Variants in TRAPPC9 observed in about 807,000 individuals in gnomAD.
TRAPPC9 encodes the protein IKK2 binding protein.
TRAPPC9 carries 83 observed loss-of-function variants against 124.0 expected under a neutral mutation model. That is an observed-to-expected ratio of 0.67 (90% confidence interval 0.56 to 0.80). The LOEUF (loss-of-function observed/expected upper bound fraction) is 0.80, where lower values mean the gene tolerates loss of function less well. Ranked by LOEUF, TRAPPC9 falls within the 30% of genes least tolerant of loss-of-function variation. TRAPPC9 has a pLI of 0.00. For synonymous variants in TRAPPC9, 638 were observed against 617.5 expected, an observed-to-expected ratio of 1.03 and a Z score of -0.49; for missense variants, 1,302 against 1,508.3, an observed-to-expected ratio of 0.86 and a Z score of 2.27.
intron 3 of TRAPPC9, 96 bp downstream of exon 3, chr8:140,438,956 C>G: frequency 2.6e-6 from 4 of 1,523,692 alleles, no homozygotes; most frequent in Non-Finnish European, 1.8e-6. Context: ...TCCCAAAGTG[C>G]TGGGATTACA....
At chr8:140,188,459 G>A (rs189963226) in intron 17 of TRAPPC9, among the ~76,000 whole-genome samples, 1 of 152,284 alleles carries the variant, frequency 6.6e-6, no homozygotes, top group East Asian at 1.9e-4. Flanking sequence ...CAGCTGTTGG[G>A]AAGTTGGAAC....
chr8:140,448,120 T>C (rs1588376035), intron 2 of TRAPPC9, among the ~76,000 whole-genome samples: 1 of 132,858 alleles, frequency 7.5e-6, no homozygotes, highest in Admixed American at 9.0e-5. Flanking sequence ...CACTCCAGCC[T>C]GGGTGACAGA....
chr8:140,220,463 G>A (rs375044087), intron 17 of TRAPPC9, among the ~76,000 whole-genome samples: 1 of 152,266 alleles, frequency 6.6e-6, no homozygotes, highest in Admixed American at 6.5e-5. Context: ...TCCAGGAATG[G>A]GGCACTCCCC....
chr8:140,404,814 G>A (rs2069422176), intron 6 of TRAPPC9, among the ~76,000 whole-genome samples: 1 of 151,598 alleles, frequency 6.6e-6, no homozygotes. Context: ...GAACATGTGT[G>A]TATGTGCATG....
chr8:139,807,937 C>T (rs565231157), intron 21 of TRAPPC9, among the ~76,000 whole-genome samples: 1 of 152,232 alleles, frequency 6.6e-6, no homozygotes, highest in East Asian at 1.9e-4. Context: ...GAGAACTTCT[C>T]CACAGACAGG....
At chr8:140,433,218 G>A (rs547535641) in intron 4 of TRAPPC9, among the ~76,000 whole-genome samples, 2 of 151,684 alleles carry the variant, frequency 1.3e-5, no homozygotes, top group South Asian at 2.1e-4. Flanking sequence ...CTTGAGCCCG[G>A]GAGGCAGAGG....
chr8:140,338,000 G>A (rs1437304724), intron 9 of TRAPPC9, among the ~76,000 whole-genome samples: 1 of 152,138 alleles, frequency 6.6e-6, no homozygotes, highest in African/African-American at 2.4e-5. Flanking sequence ...AATCCTGAAC[G>A]TTCTAAAGAG....
chr8:139,788,505 C>T lies in TRAPPC9; in HGVS notation c.3056-56303G>A, dbSNP rs1456578678. On this transcript the variant is annotated intron_variant, in intron 21 of 22. Transcript: ENST00000438773. This position sits in a 1 kb window ranked among gnomAD's most constrained non-coding sequence, Gnocchi z 4.9. The stretch of plus-strand genomic sequence containing the variant: ...GCCAGCACCCTCCAGGCACAGCCAG[C>T]CATCGGGCGGCCCATGGTCCTGGGG... 6.6e-6 allele frequency among the ~76,000 whole-genome samples: 1 copy of T among 152,216 alleles called. No individual in the cohort carries two copies. The highest frequency in any genetic ancestry group is 1.5e-5 in the Non-Finnish European group (1 of 68,040).
intron 16 of TRAPPC9, among the ~76,000 whole-genome samples, chr8:140,230,785 A>AG (rs1491565005): frequency 1.2e-5 from 1 of 82,592 alleles, no homozygotes; most frequent in African/African-American, 3.8e-5. Context: ...TCAAAAAAAA[A>AG]GAAAAAAAAA....
intron 17 of TRAPPC9, among the ~76,000 whole-genome samples, chr8:140,212,453 A>T (rs1039298746): frequency 2.0e-5 from 3 of 152,210 alleles, no homozygotes; most frequent in East Asian, 1.9e-4. Context: ...CAGTCCGTCA[A>T]TATTTTACAT....
At chr8:139,899,860 G>A (rs1365012792) in intron 20 of TRAPPC9, among the ~76,000 whole-genome samples, 1 of 152,138 alleles carries the variant, frequency 6.6e-6, no homozygotes, top group Non-Finnish European at 1.5e-5. Context: ...CAGGAGGCTG[G>A]GAGAGAAAGC....
intron 17 of TRAPPC9, among the ~76,000 whole-genome samples, chr8:140,027,692 T>C (rs1034334790): frequency 6.6e-6 from 1 of 152,150 alleles, no homozygotes; most frequent in African/African-American, 2.4e-5. Flanking sequence ...TGCCCGAGAC[T>C]GGGTAATTTA....
intron 17 of TRAPPC9, among the ~76,000 whole-genome samples, chr8:140,161,964 T>A (rs2061759101): frequency 6.6e-6 from 1 of 152,040 alleles, no homozygotes; most frequent in Non-Finnish European, 1.5e-5. Context: ...AGCCCGAGTG[T>A]CCGGCAGAGA....
intron 21 of TRAPPC9, among the ~76,000 whole-genome samples, chr8:139,857,337 G>C (rs1178197101): frequency 6.6e-6 from 1 of 152,204 alleles, no homozygotes; most frequent in African/African-American, 2.4e-5. Flanking sequence ...TCCCATGGAG[G>C]CAAGGCGAGG....
rs1449366706 is a variant in TRAPPC9, at chr8:139,984,472, G to A, written c.2810+4254C>T. On this transcript the variant is annotated intron_variant, in intron 19 of 22. Transcript: ENST00000438773. The surrounding 1 kb of genome is among the most constrained non-coding windows in gnomAD (Gnocchi z 4.3). ...GGGGGTGGGGGGCCGGGGGGTGGTG[G>A]CAGGGGTGCCTCCTCGTAGGGGAAC... Among the ~76,000 whole-genome samples the A allele has an allele frequency of 6.8e-6, 1 of 147,120 alleles. No homozygotes were observed. Among genetic ancestry groups the A allele is most frequent in the Non-Finnish European group, 1.5e-5 (1 of 66,222 alleles).
At chr8:140,018,416 C>G (rs1237954312) in intron 18 of TRAPPC9, among the ~76,000 whole-genome samples, 1 of 147,808 alleles carries the variant, frequency 6.8e-6, no homozygotes, top group Non-Finnish European at 1.5e-5. Flanking sequence ...CTCCACCTCC[C>G]AGGTTCACGC....
intron 15 of TRAPPC9, among the ~76,000 whole-genome samples, chr8:140,274,646 T>C (rs1277727485): frequency 2.0e-5 from 3 of 152,218 alleles, no homozygotes; most frequent in African/African-American, 7.2e-5. Context: ...TCTCATGACA[T>C]AATTCTTTGC....
chr8:140,158,900 G>A (rs1292267362), intron 17 of TRAPPC9, among the ~76,000 whole-genome samples: 3 of 152,264 alleles, frequency 2.0e-5, no homozygotes, highest in African/African-American at 7.2e-5. Context: ...ACAAATGAGA[G>A]CTCAAGAATG....
chr8:140,103,933 C>T (rs1210805881), intron 17 of TRAPPC9, among the ~76,000 whole-genome samples: 1 of 152,220 alleles, frequency 6.6e-6, no homozygotes, highest in Non-Finnish European at 1.5e-5. Flanking sequence ...ACAGTGTATA[C>T]CACCAGCTGA....
Sources: gnomAD v4.1 joint callset for allele counts (sites outside exome capture counted in the v4.1 genomes callset) on GRCh38, gnomAD v4.1.1 for gene constraint, Gnocchi (gnomAD v3.1) non-coding constraint, MANE v1.5 for transcripts, NCBI Gene and HGNC (gene_info 2026-07-23, HGNC 2026-07-21) for gene names.